UBR1: variants seen among roughly 807,000 people sequenced by gnomAD.
The protein encoded by UBR1 is E3 ubiquitin-protein ligase UBR1.
UBR1 carries 102 observed loss-of-function variants against 242.1 expected under a neutral mutation model. The observed-to-expected ratio is 0.42, with a 90% CI of 0.36 to 0.50. The LOEUF is 0.50. UBR1 is among the 20% of genes least tolerant of loss of function. The pLI is 0.01. For synonymous variants in UBR1, 675 were observed against 684.8 expected (o/e 0.99, Z 0.22); for missense variants, 1,772 against 2,101.8 (o/e 0.84, Z 3.07).
intron 29 of UBR1, 96 bp from the exon 30 acceptor site, chr15:43,007,380 G>A: frequency 9.6e-7 from 1 of 1,037,288 alleles, no homozygotes. Context: ...AGAAATATAA[G>A]AAAGATAATA....
intron 1 of UBR1, among the ~76,000 whole-genome samples, chr15:43,091,207 G>A (rs1256919489): frequency 6.6e-6 from 1 of 152,090 alleles, no homozygotes; most frequent in African/African-American, 2.4e-5. Context: ...CAAAGTGCTG[G>A]GATTACAGGC....
chr15:43,091,031 C>T (rs554364245), intron 1 of UBR1, among the ~76,000 whole-genome samples: 3 of 152,252 alleles, frequency 2.0e-5, no homozygotes, highest in Non-Finnish European at 4.4e-5. Flanking sequence ...CTCTGCCTCC[C>T]GGGTTCAAGC....
intron 46 of UBR1, among the ~76,000 whole-genome samples, chr15:42,947,458 A>T (rs1045319426): frequency 6.6e-6 from 1 of 152,152 alleles, no homozygotes; most frequent in African/African-American, 2.4e-5. Context: ...AGAAGGAAAT[A>T]AAGGGTATTC....
intron 44 of UBR1, among the ~76,000 whole-genome samples, chr15:42,957,557 T>C (rs1429477574): frequency 2.0e-5 from 3 of 152,220 alleles, no homozygotes; most frequent in Non-Finnish European, 4.4e-5. Context: ...TTATGAAGGA[T>C]ACTCAGAGGT....
intron 39 of UBR1, among the ~76,000 whole-genome samples, chr15:42,972,638 T>C (rs755337427): frequency 7.2e-5 from 11 of 152,224 alleles, no homozygotes; most frequent in Non-Finnish European, 1.2e-4. Context: ...CCCAAAGTGC[T>C]GAGATTACAG....
chr15:42,958,846 T>C (rs561959753), intron 43 of UBR1, among the ~76,000 whole-genome samples: 7 of 152,296 alleles, frequency 4.6e-5, no homozygotes, highest in African/African-American at 1.7e-4. Flanking sequence ...GATTTATTTA[T>C]TGGAGGCAGA....
intron 14 of UBR1, among the ~76,000 whole-genome samples, chr15:43,044,774 A>T (rs1425748706): frequency 6.6e-6 from 1 of 152,180 alleles, no homozygotes; most frequent in Non-Finnish European, 1.5e-5. Flanking sequence ...GCACACCTGT[A>T]GTCCCAGCTA....
At chr15:43,085,197 A>C (rs1180684997) in intron 2 of UBR1, among the ~76,000 whole-genome samples, 1 of 152,234 alleles carries the variant, frequency 6.6e-6, no homozygotes, top group African/African-American at 2.4e-5. Flanking sequence ...GCAAAAAATT[A>C]CTTTAAATGA....
rs762373777 is a variant in UBR1 at position 43,054,744 on chromosome 15, T to G, written c.1437A>C (p.Leu479=). 1.2e-6 allele frequency: 2 copies of G among 1,613,966 alleles called. No homozygotes were observed. The highest frequency in any genetic ancestry group is 2.2e-5 in the East Asian group (1 of 44,852). The change falls in exon 12 of 47, where the codon CTA becomes CTC. Residue 479 remains leucine (L), a splice_region_variant and synonymous_variant. Transcript: ENST00000290650. ...ACCTTTTGACTTGAACAACTTACTT[T>G]AGGTCACATATTACTGCATATACTC... is the stretch of plus-strand genomic sequence containing the variant. ...LGRVYAVICD[L]KYILISKPTI...
chr15:43,034,371 A>G (rs2033302391), intron 19 of UBR1, among the ~76,000 whole-genome samples: 1 of 151,548 alleles, frequency 6.6e-6, no homozygotes, highest in Non-Finnish European at 1.5e-5. Context: ...GAATGGGAGA[A>G]GAAGGTTGCT....
At chr15:42,952,634 A>T (rs1429175114) in intron 44 of UBR1, among the ~76,000 whole-genome samples, 186 bp from the exon 45 acceptor site, 1 of 152,252 alleles carries the variant, frequency 6.6e-6, no homozygotes, top group East Asian at 1.9e-4. Context: ...AAAGGGCTTC[A>T]TGGAAAATCT....
chr15:42,954,805 G>A (rs1403864568), intron 44 of UBR1, among the ~76,000 whole-genome samples: 1 of 152,066 alleles, frequency 6.6e-6, no homozygotes. Flanking sequence ...TTGGCCTTTA[G>A]TAATCTGCCC....
At chr15:42,969,694 T>C (rs996871315) in intron 40 of UBR1, among the ~76,000 whole-genome samples, 8 of 152,146 alleles carry the variant, frequency 5.3e-5, no homozygotes, top group Non-Finnish European at 5.9e-5. Flanking sequence ...AGCATCCCTA[T>C]ACACCAATAA....
chr15:43,022,413 A>T (rs1370016947), intron 26 of UBR1, among the ~76,000 whole-genome samples: 3 of 151,934 alleles, frequency 2.0e-5, no homozygotes, highest in Non-Finnish European at 2.9e-5. Flanking sequence ...AATGAAAGTT[A>T]AAAAATACCA....
At chr15:43,015,437 G>A (rs993372713) in intron 29 of UBR1, among the ~76,000 whole-genome samples, 1 of 152,046 alleles carries the variant, frequency 6.6e-6, no homozygotes, top group African/African-American at 2.4e-5. Context: ...ACAGATGCTT[G>A]AAGGCAGCAT....
At chr15:43,096,158 C>T (rs1044149610) in intron 1 of UBR1, among the ~76,000 whole-genome samples, 1 of 150,788 alleles carries the variant, frequency 6.6e-6, no homozygotes, top group Non-Finnish European at 1.5e-5. Flanking sequence ...GTGGGGGTGG[C>T]TATGGCAATT....
intron 2 of UBR1, among the ~76,000 whole-genome samples, chr15:43,083,176 T>G (rs2033992309): frequency 2.0e-5 from 3 of 152,226 alleles, no homozygotes; most frequent in Non-Finnish European, 4.4e-5. Context: ...GGATTTCTAT[T>G]CATTGTACAT....
At chr15:42,971,805 ATG>A in intron 39 of UBR1, among the ~76,000 whole-genome samples, 2 of 152,212 alleles carry the variant, frequency 1.3e-5, no homozygotes, top group Admixed American at 1.3e-4. Flanking sequence ...CTATCTGATG[ATG>A]AGTTTGACAA....
At chr15:42,985,642 T>C (rs920293022) in intron 35 of UBR1, among the ~76,000 whole-genome samples, 1 of 152,104 alleles carries the variant, frequency 6.6e-6, no homozygotes, top group African/African-American at 2.4e-5. Flanking sequence ...CGTGAGCCAC[T>C]GCGCCCGACC....
Sources: allele counts gnomAD v4.1 joint callset (sites outside exome capture counted in the v4.1 genomes callset), GRCh38; gene constraint gnomAD v4.1.1; transcripts MANE v1.5; gene names NCBI Gene and HGNC (gene_info 2026-07-23, HGNC 2026-07-21).